Variants in PLXNA4 observed in about 807,000 individuals in gnomAD.
The protein encoded by PLXNA4 is plexin A4.
In PLXNA4, 44 loss-of-function variants were observed where a neutral mutation model predicts 191.8. The ratio of observed to expected loss-of-function variants is 0.23; its 90% CI spans 0.18 to 0.29. The LOEUF (loss-of-function observed/expected upper bound fraction) is 0.29, where lower values mean the gene tolerates loss of function less well. Among genes scored for constraint, PLXNA4 ranks in the 10% least tolerant of loss-of-function variants. The probability of loss-of-function intolerance (pLI) is 1.00; values close to 1 mark genes in which losing one functional copy is unlikely to be tolerated. For missense variants in PLXNA4, 1,800 were observed against 2,488.8 expected (o/e 0.72, Z 5.89); for synonymous variants, 1,082 against 1,009.5 (o/e 1.07, Z -1.36).
chr7:132,444,281 T>C (rs1036685026), intron 3 of PLXNA4, among the ~76,000 whole-genome samples: 4 of 152,266 alleles, frequency 2.6e-5, no homozygotes, highest in African/African-American at 9.6e-5. Flanking sequence ...TGAGAAGAAG[T>C]CTCTCTCTTG....
intron 3 of PLXNA4, among the ~76,000 whole-genome samples, chr7:132,377,169 T>C (rs1804691147): frequency 6.6e-6 from 1 of 152,190 alleles, no homozygotes; most frequent in African/African-American, 2.4e-5. Flanking sequence ...GCTTATGTTA[T>C]GAAATATCAG....
chr7:132,570,280 C>T (rs1386282661), intron 1 of PLXNA4, among the ~76,000 whole-genome samples: 1 of 152,180 alleles, frequency 6.6e-6, no homozygotes, highest in Non-Finnish European at 1.5e-5. Context: ...AGAAAACGAA[C>T]TCCAACTGAC....
At chr7:132,267,688 C>T (rs1032402720) in intron 4 of PLXNA4, among the ~76,000 whole-genome samples, 1 of 152,214 alleles carries the variant, frequency 6.6e-6, no homozygotes, top group Non-Finnish European at 1.5e-5. Context: ...CTTCAATCCT[C>T]AGAATGCAGG....
At chr7:132,403,470 G>T (rs150500993) in intron 3 of PLXNA4, among the ~76,000 whole-genome samples, 3 of 152,304 alleles carry the variant, frequency 2.0e-5, no homozygotes, top group African/African-American at 7.2e-5. Flanking sequence ...TAAAGATCAC[G>T]GGGTAACCCT....
At chr7:132,584,811 T>C (rs1802477751) in intron 2 of PLXNA4, among the ~76,000 whole-genome samples, 1 of 152,194 alleles carries the variant, frequency 6.6e-6, no homozygotes, top group Non-Finnish European at 1.5e-5. Context: ...TACTACGTTC[T>C]CCATTTTTCA....
At chr7:132,386,889 CA>C (rs1250266051) in intron 3 of PLXNA4, among the ~76,000 whole-genome samples, 4 of 152,184 alleles carry the variant, frequency 2.6e-5, no homozygotes, top group Non-Finnish European at 5.9e-5. Flanking sequence ...CAGAGCTTCT[CA>C]AATTGTTTTG....
chr7:132,476,024 G>T (rs532381530), intron 3 of PLXNA4, among the ~76,000 whole-genome samples: 1 of 152,316 alleles, frequency 6.6e-6, no homozygotes, highest in African/African-American at 2.4e-5. Flanking sequence ...TGCAGAGAAG[G>T]CTCTGCCGGT....
chr7:132,165,175 G>A lies in PLXNA4; in HGVS notation c.4312C>T (p.Leu1438=). ...AGGAGGAAAGTAAACCAATTGGTCA[G>A]CATCTTCTCAGCCACTGACTCAGTC... ...RRTESVAEKM[L]TNWFTFLLYK... The change falls in exon 23 of 32, where the codon CTG becomes TTG. Residue 1438 remains leucine, a synonymous_variant. Transcript: ENST00000321063. The A allele has an allele frequency of 6.2e-7, 1 of 1,613,382 alleles. No homozygotes were observed.
At chr7:132,460,824 T>G (rs1336195967) in intron 3 of PLXNA4, among the ~76,000 whole-genome samples, 9 of 152,002 alleles carry the variant, frequency 5.9e-5, no homozygotes, top group African/African-American at 2.2e-4. Flanking sequence ...TCCTAAACGT[T>G]TCAGAATGGT....
intron 3 of PLXNA4, among the ~76,000 whole-genome samples, chr7:132,389,784 G>GT (rs1464675492): frequency 6.6e-6 from 1 of 151,944 alleles, no homozygotes; most frequent in Non-Finnish European, 1.5e-5. Flanking sequence ...ATTTGAAGTA[G>GT]TTTTTTTTCC....
In PLXNA4 at chr7:132,226,374, T is replaced by C. The variant is rs758473426; in HGVS notation, c.1883-114A>G. ...CCTGCTCCCCAGGCGGCTGTTGGCT[T>C]AACAGGGCTCTGACTCAGCAGACCC... On this transcript the variant is annotated intron_variant, in intron 7 of 31. Coordinates refer to ENST00000321063, the MANE Select transcript of PLXNA4 (RefSeq NM_020911.2). 6 of 836,620 alleles carry C rather than the reference T, an allele frequency of 7.2e-6. No homozygotes were observed. The African/African-American group carries it at 1.0e-4, about 14-fold the overall frequency. The allele number at this position is 836,620 out of a possible 1,614,324, so 51.8% of individuals were successfully genotyped here.
intron 3 of PLXNA4, 86 bp from the exon 4 acceptor site, chr7:132,298,308 C>A: frequency 6.6e-7 from 1 of 1,506,200 alleles, no homozygotes; most frequent in Admixed American, 2.0e-5. Flanking sequence ...TGTCAACAGC[C>A]AAGGGAGAGG....
At chr7:132,408,038 T>A (rs542420164) in intron 3 of PLXNA4, among the ~76,000 whole-genome samples, 25 of 146,662 alleles carry the variant, frequency 1.7e-4, no homozygotes, top group African/African-American at 4.7e-4. Context: ...TACAGGGATT[T>A]AAAAAAAAAA....
At chr7:132,597,594 TTC>T (rs1802736126) in intron 2 of PLXNA4, among the ~76,000 whole-genome samples, 1 of 152,068 alleles carries the variant, frequency 6.6e-6, no homozygotes, top group South Asian at 2.1e-4. Context: ...CATTCATTCA[TTC>T]ATTCATTCAT....
intron 13 of PLXNA4, among the ~76,000 whole-genome samples, chr7:132,194,468 A>C (rs1797191352): frequency 1.3e-5 from 2 of 152,196 alleles, no homozygotes; most frequent in African/African-American, 4.8e-5. Context: ...CTCAGTTGTC[A>C]ACTAGACTGG....
chr7:132,172,767 A>AAT (rs1554378626), intron 21 of PLXNA4, among the ~76,000 whole-genome samples: 1 of 151,168 alleles, frequency 6.6e-6, no homozygotes, highest in African/African-American at 2.4e-5. Context: ...GTATAATAAT[A>AAT]ATAATAATAA....
chr7:132,370,458 T>A (rs1804391127), intron 3 of PLXNA4, among the ~76,000 whole-genome samples: 1 of 152,236 alleles, frequency 6.6e-6, no homozygotes, highest in South Asian at 2.1e-4. Flanking sequence ...GATGCTCTCC[T>A]GGCCTTATTT....
chr7:132,358,666 A>G (rs993972590), intron 3 of PLXNA4, among the ~76,000 whole-genome samples: 2 of 152,228 alleles, frequency 1.3e-5, no homozygotes, highest in Non-Finnish European at 2.9e-5. Flanking sequence ...TGACTTGGGT[A>G]GGTGCTAGGA....
chr7:132,543,458 T>C (rs1800166362), intron 1 of PLXNA4, among the ~76,000 whole-genome samples: 2 of 152,226 alleles, frequency 1.3e-5, no homozygotes, highest in Admixed American at 1.3e-4. Context: ...CCTATCAATA[T>C]TTACCACCTT....
Sources: allele counts gnomAD v4.1 joint callset (sites outside exome capture counted in the v4.1 genomes callset), GRCh38; gene constraint gnomAD v4.1.1; transcripts MANE v1.5; gene names NCBI Gene and HGNC (gene_info 2026-07-23, HGNC 2026-07-21).